NUP210: variants seen among roughly 807,000 people sequenced by gnomAD.
NUP210 encodes the protein nuclear pore membrane glycoprotein 210.
A neutral mutation model predicts 196.0 loss-of-function variants in NUP210; 151 were observed. That is an observed-to-expected ratio of 0.77 (90% CI 0.67 to 0.88). The LOEUF is 0.88. Among genes scored for constraint, NUP210 ranks in the 40% least tolerant of loss-of-function variants. NUP210 has a pLI of 0.00. For missense variants in NUP210, 2,314 were observed against 2,493.7 expected, an observed-to-expected ratio of 0.93 and a Z score of 1.53; for synonymous variants, 1,070 against 1,052.7, an observed-to-expected ratio of 1.02 and a Z score of -0.32.
rs528513520 is a variant in NUP210, at chr3:13,328,085, T to C, written c.4287-648A>G. Among the ~76,000 whole-genome samples, 3 of 152,336 alleles carry C rather than the reference T, an allele frequency of 2.0e-5. No homozygotes were observed. In the South Asian group the frequency reaches 6.2e-4, roughly 32 times the overall value. Reference sequence around the variant, plus strand: ...GAGTGCTGACTAGGTCTCTATCAGGTGCTCCTGCTACAAGAAGGCCAGAAT... The same window carrying C: ...GAGTGCTGACTAGGTCTCTATCAGGCGCTCCTGCTACAAGAAGGCCAGAAT... On this transcript the variant is annotated intron_variant, in intron 31 of 39. Transcript: ENST00000254508.
rs931208226 is a variant in NUP210 at position 13,349,307 on chromosome 3, G to A, written c.2835+2572C>T. ...CTCGGTCAGGTGATTCGTTTCCTAG[G>A]AGGGGCAGGATGTCAGCTTTTCTTT... On this transcript the variant is annotated intron_variant, in intron 20 of 39. Coordinates refer to ENST00000254508, the MANE Select transcript of NUP210 (RefSeq NM_024923.4). 2.0e-5 allele frequency among the ~76,000 whole-genome samples: 3 copies of A among 152,186 alleles called. No individual in the cohort carries two copies. In the East Asian group the frequency reaches 5.8e-4, roughly 29 times the overall value.
chr3:13,321,727 T>C lies in NUP210; in HGVS notation c.5024A>G (p.His1675Arg). 1.9e-6 allele frequency: 3 copies of C among 1,614,080 alleles called. No homozygotes were observed. ...GGCCCCCACCTGCTCTGTGGAGAAG[T>C]GGCTGCTGGAGAGGGAGGCACTGAC... ...LVVSASLSSS[H>R]FSTEQVGAEV... Residue 1675 changes from histidine (H) to arginine (R), a missense_variant, in exon 36 of 40, where the codon CAC becomes CGC. His to Arg is a conservative substitution (Grantham distance 29, BLOSUM62 0). Coordinates refer to ENST00000254508, the MANE Select transcript of NUP210 (RefSeq NM_024923.4).
In NUP210 at chr3:13,412,231, C is replaced by CTTTTTTTTTTTTTTTTT. The variant is rs71066953; in HGVS notation, c.167+7828_167+7829insAAAAAAAAAAAAAAAAA. ...CCACACCCAGCTTTATTTTCCTTTT[C>CTTTTTTTTTTTTTTTTT]TTTTTTTTTTTTTTTTAGTAGAGAC... On this transcript the variant is annotated intron_variant, in intron 1 of 39. Coordinates refer to ENST00000254508, the MANE Select transcript of NUP210 (RefSeq NM_024923.4). Among the ~76,000 whole-genome samples the CTTTTTTTTTTTTTTTTT allele has an allele frequency of 4.0e-4, 42 of 104,738 alleles. 2 individuals carry two copies. Among genetic ancestry groups the CTTTTTTTTTTTTTTTTT allele is most frequent in the African/African-American group, 2.0e-3 (38 of 19,300 alleles). The allele number at this position is 104,738 out of a possible 152,430, so 68.7% of individuals were successfully genotyped here.
intron 16 of NUP210, among the ~76,000 whole-genome samples, chr3:13,355,271 T>A (rs2124884110): frequency 6.6e-6 from 1 of 152,316 alleles, no homozygotes; most frequent in Admixed American, 6.5e-5. Flanking sequence ...CCTTCTCTCA[T>A]CCTCTGGTTA....
At chr3:13,392,024 G>A (rs548304051) in intron 3 of NUP210, among the ~76,000 whole-genome samples, 1 of 152,160 alleles carries the variant, frequency 6.6e-6, no homozygotes, top group East Asian at 1.9e-4. Flanking sequence ...GAAGCTGCTC[G>A]CCCTCTCTAG....
intron 21 of NUP210, 100 bp from the exon 22 acceptor site, chr3:13,342,223 C>A: frequency 6.9e-7 from 1 of 1,441,926 alleles, no homozygotes; most frequent in Non-Finnish European, 9.5e-7. Context: ...CTAACCTCAA[C>A]CCACAGACCT....
chr3:13,330,728 C>T (rs919335615), intron 29 of NUP210, 94 bp from the exon 30 acceptor site: 3 of 1,265,972 alleles, frequency 2.4e-6, no homozygotes, highest in African/African-American at 3.0e-5. Flanking sequence ...TGTGGCTCCT[C>T]ATGCTCCTGG....
Position 13,351,870 on chromosome 3 carries a change from C to T in NUP210, c.2835+9G>A. ...AAACCAACAGTGGGGACCGATGGCC[C>T]AAGCTTACCATGGCGACACCCCTGG... On this transcript the variant is annotated intron_variant, in intron 20 of 39. Coordinates refer to ENST00000254508, the MANE Select transcript of NUP210 (RefSeq NM_024923.4). 1 of 1,596,430 alleles carries T rather than the reference C, an allele frequency of 6.3e-7. No homozygotes were observed. The highest frequency in any genetic ancestry group is 8.6e-7 in the Non-Finnish European group (1 of 1,164,056).
chr3:13,404,815 C>T (rs1699953480), intron 1 of NUP210, among the ~76,000 whole-genome samples: 1 of 152,156 alleles, frequency 6.6e-6, no homozygotes, highest in African/African-American at 2.4e-5. Context: ...AAAGAGCTGG[C>T]CAGTCATGTG....
chr3:13,357,478 A>T (rs562093801), intron 16 of NUP210, among the ~76,000 whole-genome samples: 3 of 152,222 alleles, frequency 2.0e-5, no homozygotes, highest in Admixed American at 2.0e-4. Flanking sequence ...TGCAATCCAA[A>T]ACTCAGACCT....
intron 9 of NUP210, among the ~76,000 whole-genome samples, 155 bp from the exon 10 acceptor site, chr3:13,376,586 C>A (rs6442377): frequency 0.58 from 88,117 of 151,972 alleles, 26,715 homozygotes; most frequent in African/African-American, 0.76. Context: ...GACGGGTGGG[C>A]TGGGCCCTGG....
At position 13,353,686 on chromosome 3, in the gene NUP210, C is replaced by T. The variant is rs368036660; in HGVS notation, c.2522-26G>A. On this transcript the variant is annotated intron_variant, in intron 17 of 39. Coordinates refer to ENST00000254508, the MANE Select transcript of NUP210 (RefSeq NM_024923.4). ...CTGAGACCAGGAAGAAGGAAGCCACCGTTGGATGTCTGCCCATCACCACCC... is the reference window on the plus strand; with the variant it reads ...CTGAGACCAGGAAGAAGGAAGCCACTGTTGGATGTCTGCCCATCACCACCC... 32 of 1,593,082 alleles carry T rather than the reference C, an allele frequency of 2.0e-5. No individual in the cohort carries two copies. The South Asian group carries it at 2.5e-4, about 13-fold the overall frequency.
At chr3:13,338,049 C>T in intron 25 of NUP210, 132 bp from the exon 26 acceptor site, 1 of 768,798 alleles carries the variant, frequency 1.3e-6, no homozygotes, top group Non-Finnish European at 2.1e-6. Flanking sequence ...ATGACCAGCA[C>T]CATGCTCCTC....
At chr3:13,353,368 T>C (rs1698047562) in intron 18 of NUP210, among the ~76,000 whole-genome samples, 186 bp downstream of exon 18, 1 of 152,138 alleles carries the variant, frequency 6.6e-6, no homozygotes, top group Non-Finnish European at 1.5e-5. Context: ...CCACCTCCAA[T>C]GTACCTATTG....
chr3:13,322,695 A>G (rs759365370), intron 34 of NUP210, among the ~76,000 whole-genome samples: 80 of 152,240 alleles, frequency 5.3e-4, no homozygotes, highest in Non-Finnish European at 2.4e-4. Flanking sequence ...AGAGGGCACT[A>G]GTTCTCCACT....
chr3:13,358,157 C>G, intron 16 of NUP210, 65 bp downstream of exon 16: 1 of 1,468,830 alleles, frequency 6.8e-7, no homozygotes, highest in Non-Finnish European at 9.3e-7. Flanking sequence ...TGGGCGAGGC[C>G]ACCAATGTCC....
intron 14 of NUP210, among the ~76,000 whole-genome samples, chr3:13,365,606 G>A (rs1698503490): frequency 1.3e-5 from 2 of 152,222 alleles, no homozygotes; most frequent in African/African-American, 4.8e-5. Context: ...TGGAGCAGAA[G>A]CACTCCCCTG....
intron 20 of NUP210, among the ~76,000 whole-genome samples, chr3:13,345,596 T>C (rs1034210724): frequency 2.6e-5 from 4 of 152,162 alleles, no homozygotes; most frequent in African/African-American, 4.8e-5. Flanking sequence ...CGTGTAATGA[T>C]GGGTACATCA....
intron 3 of NUP210, among the ~76,000 whole-genome samples, chr3:13,392,894 T>C (rs1181999858): frequency 6.6e-6 from 1 of 151,594 alleles, no homozygotes; most frequent in Non-Finnish European, 1.5e-5. Context: ...GTATGCTCGG[T>C]GAGGGGAGCC....
Sources: allele counts gnomAD v4.1 joint callset (sites outside exome capture counted in the v4.1 genomes callset), GRCh38; gene constraint gnomAD v4.1.1; transcripts MANE v1.5; gene names NCBI Gene and HGNC (gene_info 2026-07-23, HGNC 2026-07-21).